The following SH3YL1 variants were observed in gnomAD, a reference collection of about 807,000 sequenced individuals.
SH3YL1 encodes SH3 domain-containing YSC84-like protein 1.
In SH3YL1, 41 loss-of-function variants were observed where a neutral mutation model predicts 45.8. The observed-to-expected ratio is 0.89, with a 90% confidence interval of 0.70 to 1.16. SH3YL1 has a LOEUF of 1.16. SH3YL1 is among the 50% of genes most tolerant of loss of function. The probability of loss-of-function intolerance (pLI) is 0.00; values close to 1 mark genes in which losing one functional copy is unlikely to be tolerated. For missense variants in SH3YL1, 389 were observed against 409.6 expected, an observed-to-expected ratio of 0.95 and a Z score of 0.43; for synonymous variants, 152 against 151.4, an observed-to-expected ratio of 1.00 and a Z score of -0.03.
intron 1 of SH3YL1, chr2:255,921 A>G (rs1365211057): frequency 6.6e-6 from 1 of 152,268 alleles, no homozygotes; most frequent in African/African-American, 2.4e-5. Flanking sequence ...ATCTCAGAAT[A>G]GTTAAAATAC....
intron 4 of SH3YL1, chr2:244,568 A>AACAG (rs1558245632): frequency 6.6e-6 from 1 of 151,058 alleles, no homozygotes; most frequent in Non-Finnish European, 1.5e-5. Context: ...AAAGAAAAGA[A>AACAG]AAAGAAAGAA....
rs536000833 is a variant in SH3YL1, at chr2:235,676, G to A, written c.292-1404C>T. ...AGGGGAGGCAGCAGCACGGGCCAGG[G>A]GAGGCAGCATGGGCCAGGGGAGGCA... is the stretch of plus-strand genomic sequence containing the variant. On this transcript the variant is annotated intron_variant, in intron 4 of 9. Coordinates refer to ENST00000356150, the MANE Select transcript of SH3YL1 (RefSeq NM_015677.4). Among the ~76,000 whole-genome samples the A allele has an allele frequency of 1.8e-5, 2 of 109,068 alleles. 1 individual carries two copies. The highest frequency in any genetic ancestry group is 6.0e-4 in the East Asian group (2 of 3,352). The allele number at this position is 109,068 out of a possible 152,430, so 71.6% of individuals were successfully genotyped here.
At position 259,619 on chromosome 2, in the gene SH3YL1, C is replaced by T. The variant is rs550978183; in HGVS notation, c.1+4365G>A. On this transcript the variant is annotated intron_variant, in intron 1 of 9. Transcript: ENST00000356150. Reference sequence around the variant, plus strand: ...CCTTGACAGAACCTGTGACACATTACAAAGCCTCAATAATTAATACATAAT... The same window carrying T: ...CCTTGACAGAACCTGTGACACATTATAAAGCCTCAATAATTAATACATAAT... 3 of 151,892 alleles carry T rather than the reference C, an allele frequency of 2.0e-5. No homozygotes were observed. The South Asian group carries it at 6.3e-4, about 32-fold the overall frequency. The allele number at this position is 151,892 out of a possible 1,614,324, so 9.4% of individuals were successfully genotyped here.
chr2:240,365 A>G (rs1183705167), intron 4 of SH3YL1: 2 of 152,324 alleles, frequency 1.3e-5, no homozygotes, highest in East Asian at 3.9e-4. Flanking sequence ...ACAGGCTGCA[A>G]GAGCAGAGAG....
chr2:254,697 A>C (rs555255030), intron 1 of SH3YL1, among the ~76,000 whole-genome samples: 5 of 152,326 alleles, frequency 3.3e-5, no homozygotes, highest in Non-Finnish European at 7.3e-5. Context: ...ATTCCTAAAA[A>C]GATAGCTACA....
chr2:248,031 A>T (rs1048935914), intron 3 of SH3YL1, among the ~76,000 whole-genome samples: 1 of 152,328 alleles, frequency 6.6e-6, no homozygotes, highest in Non-Finnish European at 1.5e-5. Flanking sequence ...ATCTAACGGT[A>T]ACATAATAAT....
intron 1 of SH3YL1, among the ~76,000 whole-genome samples, chr2:255,542 A>T (rs1239718686): frequency 3.3e-5 from 5 of 152,188 alleles, no homozygotes; most frequent in Admixed American, 6.5e-5. Context: ...GGCTGCAGTG[A>T]GCTATGACTG....
chr2:230,340 T>A (rs1439426805), intron 7 of SH3YL1: 7 of 227,454 alleles, frequency 3.1e-5, no homozygotes, highest in African/African-American at 1.6e-4. Flanking sequence ...TAGTAATTGG[T>A]TTAGCAAGCA....
At chr2:224,294 T>G (rs1366700090) in intron 9 of SH3YL1, among the ~76,000 whole-genome samples, 1 of 152,232 alleles carries the variant, frequency 6.6e-6, no homozygotes, top group East Asian at 1.9e-4. Flanking sequence ...TGGTAAATCT[T>G]AACAAGTTTT....
intron 8 of SH3YL1, among the ~76,000 whole-genome samples, chr2:226,176 A>G (rs1667777206): frequency 6.6e-6 from 1 of 152,144 alleles, no homozygotes; most frequent in Non-Finnish European, 1.5e-5. Context: ...AAAGTATCCA[A>G]ATCTATAAAA....
intron 1 of SH3YL1, among the ~76,000 whole-genome samples, chr2:261,820 C>T (rs1032418186): frequency 6.6e-6 from 1 of 152,182 alleles, no homozygotes; most frequent in Non-Finnish European, 1.5e-5. Context: ...TTCAGATTCC[C>T]AAACTTTTGC....
chr2:229,589 C>T (rs1434481632), intron 8 of SH3YL1, among the ~76,000 whole-genome samples: 5 of 151,202 alleles, frequency 3.3e-5, no homozygotes, highest in Non-Finnish European at 5.9e-5. Context: ...ATTAGCCGGG[C>T]GTAGTGGCGG....
chr2:233,802 T>C (rs1454428481), intron 5 of SH3YL1, among the ~76,000 whole-genome samples: 2 of 152,202 alleles, frequency 1.3e-5, no homozygotes, highest in African/African-American at 2.4e-5. Context: ...ATTTTTATGA[T>C]TTACTTTGAA....
chr2:253,687 C>T (rs1490698165), intron 1 of SH3YL1, among the ~76,000 whole-genome samples: 1 of 152,218 alleles, frequency 6.6e-6, no homozygotes, highest in Non-Finnish European at 1.5e-5. Flanking sequence ...CATGCCACTA[C>T]TCCACCTATT....
intron 1 of SH3YL1, 146 bp downstream of exon 1, chr2:263,838 C>T: frequency 1.5e-6 from 1 of 662,472 alleles, no homozygotes. Flanking sequence ...GCTGCTCTAT[C>T]TTAACTTTGG....
chr2:264,083 C>G, upstream of SH3YL1: 1 of 1,343,676 alleles, frequency 7.4e-7, no homozygotes, highest in Non-Finnish European at 9.6e-7. Context: ...CGAGGGCGTA[C>G]CTGCGGCAGG....
intron 2 of SH3YL1, among the ~76,000 whole-genome samples, chr2:251,399 A>C (rs1046131418): frequency 1.3e-5 from 2 of 151,964 alleles, no homozygotes; most frequent in Non-Finnish European, 2.9e-5. Context: ...CCCCCACCAG[A>C]CTCCCAGGAG....
At chr2:224,031 G>T (rs545475671) in intron 9 of SH3YL1, among the ~76,000 whole-genome samples, 1 of 152,288 alleles carries the variant, frequency 6.6e-6, no homozygotes, top group South Asian at 2.1e-4. Context: ...AAATATGCTT[G>T]AGTACCTAAT....
chr2:220,188 CAATAATAAT>C (rs3976788), intron 9 of SH3YL1, among the ~76,000 whole-genome samples: 2 of 144,506 alleles, frequency 1.4e-5, no homozygotes, highest in Admixed American at 7.0e-5. Context: ...ACCCATAATA[CAATAATAAT>C]AATAATAATA....
Sources: allele counts gnomAD v4.1 joint callset (sites outside exome capture counted in the v4.1 genomes callset), GRCh38; gene constraint gnomAD v4.1.1; transcripts MANE v1.5; gene names NCBI Gene and HGNC (gene_info 2026-07-23, HGNC 2026-07-21).